LRRK1: variants seen among roughly 807,000 people sequenced by gnomAD.
LRRK1 encodes the protein leucine rich repeat kinase 1.
A neutral mutation model predicts 209.1 loss-of-function variants in LRRK1; 113 were observed. The ratio of observed to expected loss-of-function variants is 0.54; its 90% confidence interval spans 0.46 to 0.63. The LOEUF (loss-of-function observed/expected upper bound fraction) is 0.63, where lower values mean the gene tolerates loss of function less well. Among genes scored for constraint, LRRK1 ranks in the 30% least tolerant of loss-of-function variants. LRRK1 has a pLI of 0.00. For missense variants in LRRK1, 2,284 were observed against 2,632.2 expected, an observed-to-expected ratio of 0.87 and a Z score of 2.89; for synonymous variants, 1,144 against 1,099.7, an observed-to-expected ratio of 1.04 and a Z score of -0.80.
chr15:100,985,459 G>A (rs573306738), intron 4 of LRRK1, among the ~76,000 whole-genome samples: 2 of 152,292 alleles, frequency 1.3e-5, no homozygotes, highest in South Asian at 2.1e-4. Context: ...GGCCAAGCAG[G>A]GGAAATTGAG....
At chr15:101,050,949 T>A (rs1175415707) in intron 23 of LRRK1, among the ~76,000 whole-genome samples, 1 of 152,198 alleles carries the variant, frequency 6.6e-6, no homozygotes, top group Non-Finnish European at 1.5e-5. Context: ...CAGCAGGTGC[T>A]GGGCAGTTTG....
At chr15:100,962,821 A>ACACATATATATATATATACG (rs2030138427) in intron 2 of LRRK1, among the ~76,000 whole-genome samples, 1 of 14,698 alleles carries the variant, frequency 6.8e-5, no homozygotes, top group Non-Finnish European at 1.6e-4. Context: ...ATATATATAT[A>ACACATATATATATATATACG]TATTTTTTTT....
chr15:101,054,797 G>A, intron 26 of LRRK1, 149 bp from the exon 27 acceptor site: 1 of 687,482 alleles, frequency 1.5e-6, no homozygotes, highest in Non-Finnish European at 2.3e-6. Context: ...GGGTGATAGA[G>A]GGAGACTCTG....
rs912267699 is a variant in LRRK1, at chr15:101,024,478, A to G, written c.2068-325A>G. 9.2e-5 allele frequency among the ~76,000 whole-genome samples: 14 copies of G among 152,158 alleles called. No homozygotes were observed. The highest frequency in any genetic ancestry group is 6.5e-5 in the Admixed American group (1 of 15,292). On this transcript the variant is annotated intron_variant, in intron 15 of 33. Coordinates refer to ENST00000388948, the MANE Select transcript of LRRK1 (RefSeq NM_024652.6). This position sits in a 1 kb window ranked among gnomAD's most constrained non-coding sequence, Gnocchi z 4.6. ...GCTGAACCCCAGTGCAAGCCGTGAC[A>G]TCAGAGCACAGCTTCCTCCCACAGG...
At chr15:101,026,923 G>C (rs2034058386) in intron 17 of LRRK1, among the ~76,000 whole-genome samples, 1 of 152,100 alleles carries the variant, frequency 6.6e-6, no homozygotes, top group Admixed American at 6.6e-5. Context: ...TCTGTGATAA[G>C]AGGAGTCCTG....
intron 2 of LRRK1, among the ~76,000 whole-genome samples, chr15:100,936,963 G>A (rs1260703396): frequency 6.6e-6 from 1 of 152,194 alleles, no homozygotes; most frequent in Non-Finnish European, 1.5e-5. Flanking sequence ...GATAATATAA[G>A]TATGTCCTAT....
intron 6 of LRRK1, among the ~76,000 whole-genome samples, chr15:100,989,859 G>T (rs550626783): frequency 2.4e-4 from 36 of 151,428 alleles, no homozygotes; most frequent in African/African-American, 8.7e-4. Flanking sequence ...GGTTTTTTTT[G>T]GTTGTTTTTT....
intron 12 of LRRK1, among the ~76,000 whole-genome samples, chr15:101,016,099 CCTT>C (rs779832581): frequency 1.3e-5 from 2 of 151,872 alleles, no homozygotes; most frequent in African/African-American, 2.4e-5. Flanking sequence ...AAGCTATTCT[CCTT>C]CTTCAGCCTC....
Position 101,022,646 on chromosome 15 carries a change from C to T in LRRK1, c.2067+49C>T, listed in dbSNP as rs758457202. On this transcript the variant is annotated intron_variant, in intron 15 of 33. Transcript: ENST00000388948. The surrounding 1 kb of genome is among the most constrained non-coding windows in gnomAD (Gnocchi z 4.0). ...GTCCCTGTGGGTGGGAGGAACATCC[C>T]TTGGACTCCTTCTCCCTTCTCCCCA... 6 of 1,293,898 alleles carry T rather than the reference C, an allele frequency of 4.6e-6. No individual in the cohort carries two copies. In the South Asian group the frequency reaches 6.5e-5, roughly 14 times the overall value. 80.2% of individuals were successfully genotyped at this position (1,293,898 alleles called of 1,614,324 possible). A position where few individuals can be genotyped will look rare whatever the true frequency, so the allele number is the denominator to read the frequency against.
chr15:101,074,834 A>G lies in LRRK1; in HGVS notation c.*5986A>G, dbSNP rs971382505. 3 of 152,184 alleles carry G rather than the reference A, an allele frequency of 2.0e-5. No homozygotes were observed. Among genetic ancestry groups the G allele is most frequent in the Admixed American group, 1.3e-4 (2 of 15,300 alleles). The allele number at this position is 152,184 out of a possible 1,614,324, so 9.4% of individuals were successfully genotyped here. On this transcript the variant is annotated 3_prime_UTR_variant, in exon 34 of 34. Coordinates refer to ENST00000388948, the MANE Select transcript of LRRK1 (RefSeq NM_024652.6). ...TACAAGTGCCAGAAATCTGGCCACC[A>G]GGCCAAGGAATGCCTGCAGCCCAGG... is the stretch of plus-strand genomic sequence containing the variant.
chr15:101,061,133 C>A (rs1277326120), intron 29 of LRRK1, 38 bp from the exon 30 acceptor site: 4 of 1,502,524 alleles, frequency 2.7e-6, no homozygotes, highest in South Asian at 2.3e-5. Context: ...CAGCCCCTGG[C>A]CCCCGGGCAC....
chr15:101,044,140 T>G (rs2034920171), intron 20 of LRRK1: 1 of 152,248 alleles, frequency 6.6e-6, no homozygotes, highest in Non-Finnish European at 1.5e-5. Flanking sequence ...TCCCTGGATC[T>G]GTGCAAACAG....
At chr15:101,049,575 G>A in intron 22 of LRRK1, 69 bp from the exon 23 acceptor site, 2 of 1,561,304 alleles carry the variant, frequency 1.3e-6, no homozygotes, top group East Asian at 2.2e-5. Context: ...GTCCCTGGGG[G>A]TAGGGATATC....
In LRRK1 at chr15:101,027,156, C is replaced by T. The variant is rs902530684; in HGVS notation, c.2406-105C>T. 9 of 1,439,922 alleles carry T rather than the reference C, an allele frequency of 6.3e-6. No individual in the cohort carries two copies. The highest frequency in any genetic ancestry group is 8.5e-6 in the Non-Finnish European group (9 of 1,059,060). The allele number at this position is 1,439,922 out of a possible 1,614,324, so 89.2% of individuals were successfully genotyped here. On this transcript the variant is annotated intron_variant, in intron 17 of 33. Transcript: ENST00000388948. This position sits in a 1 kb window ranked among gnomAD's most constrained non-coding sequence, Gnocchi z 5.1. ...TCTTGTGTTGTCTTTCACGAGTTCT[C>T]CAGACTTGCCAGCGTTCAGGACAAA... is the stretch of plus-strand genomic sequence containing the variant.
intron 2 of LRRK1, among the ~76,000 whole-genome samples, chr15:100,956,080 G>A (rs923393277): frequency 3.9e-5 from 6 of 152,122 alleles, no homozygotes; most frequent in Admixed American, 1.3e-4. Context: ...TTCTTTAAAC[G>A]TTTGGTAGAA....
intron 6 of LRRK1, among the ~76,000 whole-genome samples, chr15:101,006,118 AC>A (rs2032937917): frequency 6.6e-6 from 1 of 152,242 alleles, no homozygotes; most frequent in African/African-American, 2.4e-5. Flanking sequence ...CACCACCTTA[AC>A]CATGAGACCA....
At chr15:101,039,636 G>A (rs1297218411) in intron 20 of LRRK1, among the ~76,000 whole-genome samples, 3 of 152,200 alleles carry the variant, frequency 2.0e-5, no homozygotes, top group Non-Finnish European at 4.4e-5. Flanking sequence ...TAGAAGGGAT[G>A]AGAGAAGGCG....
At chr15:101,030,991 T>C (rs1384156366) in intron 20 of LRRK1, among the ~76,000 whole-genome samples, 3 of 152,178 alleles carry the variant, frequency 2.0e-5, no homozygotes, top group East Asian at 1.9e-4. Context: ...CACATATCAG[T>C]GAGAACATAC....
intron 2 of LRRK1, among the ~76,000 whole-genome samples, chr15:100,952,605 G>A (rs1374201331): frequency 6.6e-6 from 1 of 151,982 alleles, no homozygotes; most frequent in African/African-American, 2.4e-5. Context: ...TCTTCTTTGT[G>A]GGGCCCTTCT....
Sources: allele counts gnomAD v4.1 joint callset (sites outside exome capture counted in the v4.1 genomes callset), GRCh38; gene constraint gnomAD v4.1.1; non-coding constraint Gnocchi (gnomAD v3.1); transcripts MANE v1.5; gene names NCBI Gene and HGNC (gene_info 2026-07-23, HGNC 2026-07-21).